DMTF1: variants seen among roughly 807,000 people sequenced by gnomAD.
DMTF1 encodes the protein cyclin D binding myb like transcription factor 1, also known as cyclin-D-binding Myb-like transcription factor 1.
DMTF1 carries 39 observed loss-of-function variants against 91.1 expected under a neutral mutation model. The ratio of observed to expected loss-of-function variants is 0.43; its 90% CI spans 0.33 to 0.56. The LOEUF is 0.56. Ranked by LOEUF, DMTF1 falls within the 20% of genes least tolerant of loss-of-function variation. The pLI is 0.05. For synonymous variants in DMTF1, 338 were observed against 309.5 expected (o/e 1.09, Z -0.97); for missense variants, 750 against 914.5 (o/e 0.82, Z 2.32).
chr7:87,183,603 T>G (rs1053867875), intron 10 of DMTF1, among the ~76,000 whole-genome samples: 10 of 152,230 alleles, frequency 6.6e-5, no homozygotes, highest in African/African-American at 2.4e-4. Flanking sequence ...AATAAACATT[T>G]GCTAGATGAA....
rs1193742795 is a variant in DMTF1, at chr7:87,195,592, CAAG to C, written c.*457_*459del. On this transcript the variant is annotated 3_prime_UTR_variant, in exon 18 of 18. Transcript: ENST00000331242. ...AGCTTACCAGTGATCTTCTGATCTT[CAAG>C]AAGACTAAGTTTGAGACTTGACCAG... is the stretch of plus-strand genomic sequence containing the variant. 1.3e-5 allele frequency: 2 copies of C among 153,666 alleles called. No homozygotes were observed. The highest frequency in any genetic ancestry group is 1.9e-4 in the East Asian group (1 of 5,204). The allele number at this position is 153,666 out of a possible 1,614,324, so 9.5% of individuals were successfully genotyped here. A position where few individuals can be genotyped will look rare whatever the true frequency, so the allele number is the denominator to read the frequency against.
In DMTF1 at chr7:87,188,118, C is replaced by T. The variant is rs766565892; in HGVS notation, c.1228C>T (p.His410Tyr). Residue 410 changes from histidine (H) to tyrosine (Y), a missense_variant, in exon 13 of 18, where the codon CAT (histidine) becomes TAT (tyrosine). His to Tyr is a moderately conservative substitution (Grantham distance 83). Transcript: ENST00000331242. ...PVLIKGLKQL[H>Y]ENQKNNPTLL... ...CTTAATAAAAGGTCTTAAACAGTTA[C>T]ATGAGAACCAAAAAAACAACCCAAC... The T allele has an allele frequency of 6.2e-7, 1 of 1,613,796 alleles. No individual in the cohort carries two copies. Among genetic ancestry groups the T allele is most frequent in the Non-Finnish European group, 8.5e-7 (1 of 1,179,834 alleles).
At chr7:87,184,705 C>T in intron 11 of DMTF1, 80 bp downstream of exon 11, 2 of 1,216,550 alleles carry the variant, frequency 1.6e-6, no homozygotes, top group Non-Finnish European at 2.4e-6. Flanking sequence ...TTTTGGTTTT[C>T]CTGGATGCCT....
chr7:87,156,264 A>G (rs1790694205), intron 1 of DMTF1, among the ~76,000 whole-genome samples: 1 of 152,198 alleles, frequency 6.6e-6, no homozygotes, highest in African/African-American at 2.4e-5. Context: ...GAAATGCTGC[A>G]CCTTAAAATC....
In DMTF1 at chr7:87,192,160, C is replaced by T. The variant is rs181105683; in HGVS notation, c.1495-1038C>T. Among the ~76,000 whole-genome samples, 4 of 152,146 alleles carry T rather than the reference C, an allele frequency of 2.6e-5. No homozygotes were observed. The East Asian group carries it at 7.7e-4, about 29-fold the overall frequency. ...GTGTTCAGGTTTTTACTTATGGGGT[C>T]ACAATATTTAGGCTTTCCCTTAATT... On this transcript the variant is annotated intron_variant, in intron 14 of 17. Transcript: ENST00000331242.
chr7:87,186,185 A>G (rs1562841488), intron 12 of DMTF1: 4 of 548,148 alleles, frequency 7.3e-6, no homozygotes, highest in East Asian at 5.9e-5. Context: ...CTAAAATGAA[A>G]ATGTACACAC....
At chr7:87,189,573 G>T (rs1799268977) in intron 13 of DMTF1, among the ~76,000 whole-genome samples, 1 of 152,028 alleles carries the variant, frequency 6.6e-6, no homozygotes, top group Non-Finnish European at 1.5e-5. Flanking sequence ...ATAGTATTTA[G>T]AATTTTCTCT....
chr7:87,157,120 A>G (rs1790943652), intron 1 of DMTF1, among the ~76,000 whole-genome samples: 1 of 152,094 alleles, frequency 6.6e-6, no homozygotes, highest in African/African-American at 2.4e-5. Context: ...TTGGGTCAGG[A>G]GAAAAAAACA....
intron 13 of DMTF1, among the ~76,000 whole-genome samples, chr7:87,189,571 T>C (rs1799268179): frequency 6.6e-6 from 1 of 152,146 alleles, no homozygotes; most frequent in Admixed American, 6.6e-5. Context: ...AAATAGTATT[T>C]AGAATTTTCT....
intron 7 of DMTF1, among the ~76,000 whole-genome samples, chr7:87,176,113 A>C (rs887073884): frequency 2.0e-5 from 3 of 152,200 alleles, no homozygotes; most frequent in African/African-American, 7.2e-5. Flanking sequence ...TTTCCACTCT[A>C]CACTAATGTA....
intron 14 of DMTF1, 22 bp from the exon 15 acceptor site, chr7:87,193,176 C>A (rs573751417): frequency 2.5e-6 from 4 of 1,611,520 alleles, no homozygotes; most frequent in Admixed American, 1.7e-5. Context: ...CATTGTTAAA[C>A]TATCTTTCCT....
intron 14 of DMTF1, chr7:87,192,356 T>C (rs752030546): frequency 4.0e-4 from 61 of 152,148 alleles, no homozygotes; most frequent in Non-Finnish European, 6.3e-4. Context: ...TTAACCTTTA[T>C]GGAAAGGAAA....
chr7:87,162,410 CCTTCACACTT>C (rs1290039629), intron 1 of DMTF1, among the ~76,000 whole-genome samples: 1 of 152,052 alleles, frequency 6.6e-6, no homozygotes, highest in African/African-American at 2.4e-5. Context: ...ACCTTGGTTT[CCTTCACACTT>C]TTCAATCTGA....
chr7:87,160,993 TTAAC>T (rs1399847869), intron 1 of DMTF1, among the ~76,000 whole-genome samples: 1 of 152,160 alleles, frequency 6.6e-6, no homozygotes, highest in African/African-American at 2.4e-5. Flanking sequence ...TTTTATATAT[TTAAC>T]TCTCAGTTTG....
chr7:87,187,400 T>A (rs1463565647), intron 12 of DMTF1: 2 of 152,176 alleles, frequency 1.3e-5, no homozygotes, highest in African/African-American at 2.4e-5. Flanking sequence ...TAGCCAGGCA[T>A]GGTGGGCATG....
Position 87,195,239 on chromosome 7 carries a change from CA to C in DMTF1, c.*101del. ...GCAACCCCCAAGAGGCTTAATTTAC[CA>C]ATTTAAATAGCCACAGTCCTTAAGC... On this transcript the variant is annotated 3_prime_UTR_variant, in exon 18 of 18. Transcript: ENST00000331242. 1.3e-6 allele frequency: 1 copy of C among 786,972 alleles called. No individual in the cohort carries two copies. The highest frequency in any genetic ancestry group is 2.6e-5 in the Admixed American group (1 of 38,860). The allele number at this position is 786,972 out of a possible 1,614,324, so 48.7% of individuals were successfully genotyped here.
intron 10 of DMTF1, among the ~76,000 whole-genome samples, chr7:87,183,266 G>C (rs1478383207): frequency 6.6e-6 from 1 of 152,206 alleles, no homozygotes; most frequent in East Asian, 1.9e-4. Flanking sequence ...GACATGGCCA[G>C]CTTAATGAAA....
intron 8 of DMTF1, among the ~76,000 whole-genome samples, chr7:87,180,877 T>G (rs1005717746): frequency 2.7e-4 from 40 of 146,388 alleles, no homozygotes; most frequent in Admixed American, 2.0e-4. Flanking sequence ...TTTTTTTTTT[T>G]GAGACAGAGT....
At chr7:87,175,525 A>T (rs1007497801) in intron 7 of DMTF1, among the ~76,000 whole-genome samples, 1 of 152,250 alleles carries the variant, frequency 6.6e-6, no homozygotes, top group African/African-American at 2.4e-5. Flanking sequence ...TTTTGAAGTC[A>T]GTGATCCATT....
Sources: allele counts gnomAD v4.1 joint callset (sites outside exome capture counted in the v4.1 genomes callset), GRCh38; gene constraint gnomAD v4.1.1; transcripts MANE v1.5; gene names NCBI Gene and HGNC (gene_info 2026-07-23, HGNC 2026-07-21).